PCSK5: variants seen among roughly 807,000 people sequenced by gnomAD.
The protein encoded by PCSK5 is proprotein convertase subtilisin/kexin type 5.
PCSK5 carries 129 observed loss-of-function variants against 233.2 expected under a neutral mutation model. The observed-to-expected ratio is 0.55, with a 90% confidence interval of 0.48 to 0.64. PCSK5 has a LOEUF of 0.64. Ranked by LOEUF, PCSK5 falls within the 30% of genes least tolerant of loss-of-function variation. The pLI is 0.00. For synonymous variants in PCSK5, 825 were observed against 879.2 expected, an observed-to-expected ratio of 0.94 and a Z score of 1.09; for missense variants, 2,076 against 2,430.1, an observed-to-expected ratio of 0.85 and a Z score of 3.06.
Position 76,199,248 on chromosome 9 carries a change from A to C in PCSK5, c.2626+9502A>C, listed in dbSNP as rs7864573. Reference sequence around the variant, plus strand: ...ATGGCTTATTGCTTCTAGGCCACAAAGCTGTACAGCATGTTACCGTACTGA... The same window carrying C: ...ATGGCTTATTGCTTCTAGGCCACAACGCTGTACAGCATGTTACCGTACTGA... On this transcript the variant is annotated intron_variant, in intron 20 of 37. Transcript: ENST00000674117. Among the ~76,000 whole-genome samples, 911 of 152,302 alleles carry C rather than the reference A, an allele frequency of 6.0e-3. 5 individuals carry two copies. Among genetic ancestry groups the C allele is most frequent in the African/African-American group, 0.021 (867 of 41,564 alleles).
chr9:75,935,802 G>C (rs1302224850), intron 2 of PCSK5, among the ~76,000 whole-genome samples: 1 of 152,170 alleles, frequency 6.6e-6, no homozygotes, highest in African/African-American at 2.4e-5. Context: ...TTTTTGGCAA[G>C]AATATCAGAG....
intron 35 of PCSK5, 88 bp downstream of exon 35, chr9:76,338,535 C>T (rs1305555833): frequency 1.1e-6 from 1 of 911,384 alleles, no homozygotes; most frequent in East Asian, 2.6e-5. Flanking sequence ...TTCTCACCAC[C>T]TGGGAGGTTC....
chr9:76,276,725 C>T (rs1157085666), intron 24 of PCSK5, among the ~76,000 whole-genome samples: 1 of 152,194 alleles, frequency 6.6e-6, no homozygotes, highest in Non-Finnish European at 1.5e-5. Context: ...CCAGTCTCAT[C>T]ACTCTCTAAC....
intron 22 of PCSK5, among the ~76,000 whole-genome samples, chr9:76,235,481 AT>A (rs71499140): frequency 0.081 from 12,207 of 151,366 alleles, 665 homozygotes; most frequent in Admixed American, 0.13. Flanking sequence ...CATTTCTTCT[AT>A]TTTTTTTTCT....
intron 5 of PCSK5, among the ~76,000 whole-genome samples, chr9:76,036,685 A>G (rs2131518214): frequency 6.6e-6 from 1 of 152,356 alleles, no homozygotes; most frequent in African/African-American, 2.4e-5. Context: ...ACTCACAACA[A>G]CCCACATTCA....
chr9:76,179,478 C>G (rs1823751873), intron 14 of PCSK5, 118 bp from the exon 15 acceptor site: 1 of 651,238 alleles, frequency 1.5e-6, no homozygotes, highest in African/African-American at 1.8e-5. Flanking sequence ...ATTCCTCTGT[C>G]TTAAAGAAAC....
intron 5 of PCSK5, among the ~76,000 whole-genome samples, chr9:76,050,803 G>A (rs1406954635): frequency 6.6e-6 from 1 of 152,042 alleles, no homozygotes; most frequent in Non-Finnish European, 1.5e-5. Flanking sequence ...ATCCTTCTAG[G>A]ATAGAAACAT....
intron 5 of PCSK5, among the ~76,000 whole-genome samples, chr9:76,048,247 T>C (rs374958772): frequency 2.6e-5 from 4 of 152,224 alleles, no homozygotes; most frequent in African/African-American, 9.6e-5. Flanking sequence ...TCCACACAGA[T>C]ATAAAGTCAT....
chr9:75,902,336 A>G (rs887249458), intron 1 of PCSK5, among the ~76,000 whole-genome samples: 1 of 151,864 alleles, frequency 6.6e-6, no homozygotes, highest in Admixed American at 6.6e-5. Flanking sequence ...GTTCTTGAAT[A>G]TAAAAGGTGC....
In PCSK5 at chr9:76,359,256, G is replaced by A. The variant is rs1830382109; in HGVS notation, c.*334G>A. 2 of 246,414 alleles carry A rather than the reference G, an allele frequency of 8.1e-6. No individual in the cohort carries two copies. Among genetic ancestry groups the A allele is most frequent in the East Asian group, 8.4e-5 (1 of 11,878 alleles). 15.3% of individuals were successfully genotyped at this position (246,414 alleles called of 1,614,324 possible). On this transcript the variant is annotated 3_prime_UTR_variant, in exon 38 of 38. Coordinates refer to ENST00000674117, the MANE Select transcript of PCSK5 (RefSeq NM_001372043.1). ...CTCTTCTATGTGATTTTAAAAAAAGGACAGCAGATCTATAGAAATTCTGTT... is the reference window on the plus strand; with the variant it reads ...CTCTTCTATGTGATTTTAAAAAAAGAACAGCAGATCTATAGAAATTCTGTT...
intron 5 of PCSK5, among the ~76,000 whole-genome samples, chr9:76,049,858 A>G (rs1422027022): frequency 6.6e-6 from 1 of 152,248 alleles, no homozygotes; most frequent in Non-Finnish European, 1.5e-5. Context: ...AATCATTAAC[A>G]GATTTTGGGC....
intron 4 of PCSK5, among the ~76,000 whole-genome samples, chr9:76,024,285 T>A (rs1033607158): frequency 2.0e-5 from 3 of 152,210 alleles, no homozygotes; most frequent in African/African-American, 4.8e-5. Context: ...TTCTTTTTTT[T>A]AAAGGACAGT....
At chr9:75,921,481 C>T (rs1289181671) in intron 1 of PCSK5, among the ~76,000 whole-genome samples, 5 of 151,964 alleles carry the variant, frequency 3.3e-5, no homozygotes, top group East Asian at 1.9e-4. Flanking sequence ...TTCCGGTTCC[C>T]GAGATGATGG....
chr9:76,268,322 G>A (rs548801952), intron 24 of PCSK5, among the ~76,000 whole-genome samples: 2 of 152,212 alleles, frequency 1.3e-5, no homozygotes, highest in East Asian at 1.9e-4. Context: ...CTGGTAATGC[G>A]TTTCTCTATA....
At chr9:76,227,466 G>A (rs1825931556) in intron 20 of PCSK5, 37 bp from the exon 21 acceptor site, 2 of 1,464,354 alleles carry the variant, frequency 1.4e-6, no homozygotes, top group South Asian at 1.2e-5. Context: ...GGCTTGCCAT[G>A]TAGAAATGAA....
chr9:75,937,874 C>T lies in PCSK5; in HGVS notation c.297+5391C>T, dbSNP rs547195511. Reference sequence around the variant, plus strand: ...GCTTCATACTTTTCTTCTGCAGCTTCCTTACGTCTCTCAGCCTTCTTAGAA... The same window carrying T: ...GCTTCATACTTTTCTTCTGCAGCTTTCTTACGTCTCTCAGCCTTCTTAGAA... On this transcript the variant is annotated intron_variant, in intron 2 of 37. Coordinates refer to ENST00000674117, the MANE Select transcript of PCSK5 (RefSeq NM_001372043.1). Among the ~76,000 whole-genome samples the T allele has an allele frequency of 2.6e-5, 4 of 152,280 alleles. No individual in the cohort carries two copies. The Middle Eastern group carries it at 0.01, about 388-fold the overall frequency.
At chr9:76,108,745 T>G (rs1832085192) in intron 9 of PCSK5, among the ~76,000 whole-genome samples, 1 of 152,058 alleles carries the variant, frequency 6.6e-6, no homozygotes, top group African/African-American at 2.4e-5. Flanking sequence ...GAGCCAAGAC[T>G]CCATCTCAAG....
chr9:76,122,440 G>C (rs903444245), intron 9 of PCSK5, among the ~76,000 whole-genome samples: 2 of 152,142 alleles, frequency 1.3e-5, no homozygotes, highest in Non-Finnish European at 2.9e-5. Flanking sequence ...CTGTTTGATA[G>C]AATGACAATT....
chr9:76,279,126 T>C (rs1827785745), intron 24 of PCSK5, among the ~76,000 whole-genome samples: 1 of 138,204 alleles, frequency 7.2e-6, no homozygotes, highest in African/African-American at 2.7e-5. Flanking sequence ...TGTGATCTCA[T>C]TGTTCAATTC....
Sources: allele counts gnomAD v4.1 joint callset (sites outside exome capture counted in the v4.1 genomes callset), GRCh38; gene constraint gnomAD v4.1.1; transcripts MANE v1.5; gene names NCBI Gene and HGNC (gene_info 2026-07-23, HGNC 2026-07-21).